The following PDK1 variants were observed in gnomAD, a reference collection of about 807,000 sequenced individuals.
PDK1 encodes pyruvate dehydrogenase kinase 1, also known as [Pyruvate dehydrogenase (acetyl-transferring)] kinase isozyme 1, mitochondrial.
In PDK1, 39 loss-of-function variants were observed where a neutral mutation model predicts 54.2. The ratio of observed to expected loss-of-function variants is 0.72; its 90% CI spans 0.56 to 0.94. The LOEUF is 0.94. PDK1 is among the 40% of genes least tolerant of loss of function. PDK1 has a pLI of 0.00. For missense variants in PDK1, 552 were observed against 566.0 expected (o/e 0.98, Z 0.25); for synonymous variants, 221 against 207.1 (o/e 1.07, Z -0.58).
chr2:172,640,282 A>G, the PDK1 span, among the ~76,000 whole-genome samples: 1 of 152,040 alleles, frequency 6.6e-6, no homozygotes, highest in African/African-American at 2.4e-5. Context: ...AGAAATTGAG[A>G]CTCACTGGAG....
chr2:172,579,525 C>CTTTTTTTT (rs10660737), intron 8 of PDK1, among the ~76,000 whole-genome samples: 3 of 122,554 alleles, frequency 2.4e-5, no homozygotes, highest in Admixed American at 8.3e-5. Context: ...CCCGCTCTTT[C>CTTTTTTTT]TTTTTTTTTT....
intron 8 of PDK1, 107 bp downstream of exon 8, chr2:172,570,931 AGG>A (rs1689218650): frequency 1.1e-5 from 4 of 353,284 alleles, no homozygotes; most frequent in Non-Finnish European, 1.6e-5. Flanking sequence ...ATCTACTCTC[AGG>A]GGAAAAGAAT....
At chr2:172,705,612 CTTAGAG>C in the PDK1 span, among the ~76,000 whole-genome samples, 3 of 152,188 alleles carry the variant, frequency 2.0e-5, no homozygotes, top group African/African-American at 4.8e-5. Flanking sequence ...GCCTCTAATA[CTTAGAG>C]TTAATCTTCA....
At chr2:172,584,573 C>G (rs562319273) in intron 8 of PDK1, among the ~76,000 whole-genome samples, 79 of 148,422 alleles carry the variant, frequency 5.3e-4, no homozygotes, top group Middle Eastern at 3.6e-3. Context: ...CTCATATATA[C>G]TTTGCATGCT....
the PDK1 span, among the ~76,000 whole-genome samples, chr2:172,622,824 TTA>T: frequency 1.1e-3 from 156 of 147,682 alleles, 1 homozygote; most frequent in African/African-American, 3.5e-3. Flanking sequence ...TGTTTATATA[TTA>T]TATGTAATAT....
rs1045896923 is a variant in PDK1, at chr2:172,608,645, T to C, written c.*12676T>C. On this transcript the variant is annotated 3_prime_UTR_variant, in exon 11 of 11. Transcript: ENST00000282077. ...CCTTATTCCATTTTCTTCTGTTTGA[T>C]TAAAATCCTGCATGTTCTCCTGCAT... The C allele has an allele frequency of 2.6e-5, 4 of 152,204 alleles. No homozygotes were observed. Among genetic ancestry groups the C allele is most frequent in the Admixed American group, 2.0e-4 (3 of 15,278 alleles). 9.4% of individuals were successfully genotyped at this position (152,204 alleles called of 1,614,324 possible).
chr2:172,701,633 T>G, the PDK1 span, among the ~76,000 whole-genome samples: 4 of 1,134 alleles, frequency 3.5e-3, no homozygotes, highest in Non-Finnish European at 0.043. Flanking sequence ...TTTATCCTGT[T>G]TTTTTTTTTG....
At chr2:172,626,311 A>G in the PDK1 span, among the ~76,000 whole-genome samples, 2 of 152,022 alleles carry the variant, frequency 1.3e-5, no homozygotes, top group African/African-American at 4.8e-5. Flanking sequence ...GACATTAGTA[A>G]TAATGGGGGT....
At chr2:172,664,332 A>AAAAAAAAAAAAAAAAAAAAC in the PDK1 span, among the ~76,000 whole-genome samples, 1 of 150,956 alleles carries the variant, frequency 6.6e-6, no homozygotes, top group Non-Finnish European at 1.5e-5. Context: ...AAAAAAAAAA[A>AAAAAAAAAAAAAAAAAAAAC]AAGCATTGCC....
At chr2:172,622,081 G>GTGAGATATGTTTATATCTCATATATTA in the PDK1 span, among the ~76,000 whole-genome samples, 1 of 123,854 alleles carries the variant, frequency 8.1e-6, no homozygotes, top group South Asian at 4.3e-4. Context: ...CATATATTAT[G>GTGAGATATGTTTATATCTCATATATTA]TGAGATATGT....
intron 8 of PDK1, among the ~76,000 whole-genome samples, chr2:172,582,160 C>A (rs781188688): frequency 5.9e-5 from 9 of 152,112 alleles, no homozygotes; most frequent in Non-Finnish European, 7.3e-5. Context: ...GTGATCTGAC[C>A]ACCTCAGACT....
intron 6 of PDK1, among the ~76,000 whole-genome samples, 169 bp from the exon 7 acceptor site, chr2:172,568,572 G>A (rs1487574942): frequency 1.3e-5 from 2 of 152,136 alleles, no homozygotes; most frequent in African/African-American, 4.8e-5. Context: ...AAATATTTGT[G>A]GGTATGGGTT....
the PDK1 span, among the ~76,000 whole-genome samples, chr2:172,617,005 AGTGGC>A: frequency 1.3e-5 from 2 of 152,176 alleles, no homozygotes; most frequent in Non-Finnish European, 2.9e-5. Flanking sequence ...GCTGGAGTGC[AGTGGC>A]GTGATCTCGG....
At position 172,599,273 on chromosome 2, in the gene PDK1, A is replaced by T. The variant is rs896737022; in HGVS notation, c.*3304A>T. The stretch of plus-strand genomic sequence containing the variant: ...CTATCCTATTTTTAATTGATGGGAT[A>T]TAGGCAGCACAATTTCCCTTCATTG... On this transcript the variant is annotated 3_prime_UTR_variant, in exon 11 of 11. Transcript: ENST00000282077. 7.2e-5 allele frequency: 11 copies of T among 152,106 alleles called. 1 individual carries two copies. The highest frequency in any genetic ancestry group is 6.6e-4 in the Admixed American group (10 of 15,266). 9.4% of individuals were successfully genotyped at this position (152,106 alleles called of 1,614,324 possible). A position where few individuals can be genotyped will look rare whatever the true frequency, so the allele number is the denominator to read the frequency against.
At chr2:172,658,603 C>T in the PDK1 span, among the ~76,000 whole-genome samples, 147 of 152,194 alleles carry the variant, frequency 9.7e-4, 1 homozygote, top group African/African-American at 3.2e-3. Context: ...AGCCTATAAA[C>T]GGACATGCAA....
downstream of PDK1, among the ~76,000 whole-genome samples, chr2:172,611,136 A>G (rs1691449263): frequency 6.6e-6 from 1 of 152,168 alleles, no homozygotes; most frequent in Non-Finnish European, 1.5e-5. Context: ...AAAATCCTCA[A>G]CATCACATTC....
chr2:172,630,689 G>T, the PDK1 span, among the ~76,000 whole-genome samples: 1 of 151,232 alleles, frequency 6.6e-6, no homozygotes, highest in African/African-American at 2.4e-5. Context: ...GAGTACAGTG[G>T]TGCGATCTCG....
intron 8 of PDK1, among the ~76,000 whole-genome samples, chr2:172,583,359 CA>C (rs1179739377): frequency 2.4e-5 from 3 of 124,160 alleles, no homozygotes; most frequent in Non-Finnish European, 4.8e-5. Flanking sequence ...TGCAGTGGTA[CA>C]ACCTTGGCTC....
chr2:172,589,741 A>G (rs931404596), intron 9 of PDK1, among the ~76,000 whole-genome samples: 2 of 152,192 alleles, frequency 1.3e-5, no homozygotes, highest in African/African-American at 4.8e-5. Flanking sequence ...GAGTCCATAC[A>G]AGCTCATAGT....
Sources: gnomAD v4.1 joint callset for allele counts (sites outside exome capture counted in the v4.1 genomes callset) on GRCh38, gnomAD v4.1.1 for gene constraint, MANE v1.5 for transcripts, NCBI Gene and HGNC (gene_info 2026-07-23, HGNC 2026-07-21) for gene names.